Variants in AP3B1 observed in about 807,000 individuals in gnomAD.
AP3B1 encodes the protein AP-3 complex subunit beta-1.
In AP3B1, 61 loss-of-function variants were observed where a neutral mutation model predicts 132.5. The ratio of observed to expected loss-of-function variants is 0.46; its 90% CI spans 0.37 to 0.57. The LOEUF is 0.57. AP3B1 is among the 20% of genes least tolerant of loss of function. The pLI is 0.00. For missense variants in AP3B1, 1,120 were observed against 1,289.4 expected (o/e 0.87, Z 2.01); for synonymous variants, 388 against 438.3 (o/e 0.89, Z 1.43).
intron 1 of AP3B1, among the ~76,000 whole-genome samples, chr5:78,278,239 T>C (rs964242673): frequency 6.6e-6 from 1 of 152,186 alleles, no homozygotes; most frequent in African/African-American, 2.4e-5. Flanking sequence ...CCTGTAAAAC[T>C]TTTTTCCTAC....
intron 22 of AP3B1, among the ~76,000 whole-genome samples, chr5:78,082,342 G>A (rs576828355): frequency 1.3e-5 from 2 of 151,942 alleles, no homozygotes; most frequent in South Asian, 4.2e-4. Flanking sequence ...CTTGTTCCAC[G>A]GCCATTGGAC....
chr5:78,053,795 GTCTC>G (rs112177129), intron 22 of AP3B1, among the ~76,000 whole-genome samples: 74 of 152,044 alleles, frequency 4.9e-4, no homozygotes, highest in Middle Eastern at 3.4e-3. Flanking sequence ...ACTATACGAG[GTCTC>G]TCTAATTTGC....
chr5:78,032,617 T>C (rs531216518), intron 24 of AP3B1, among the ~76,000 whole-genome samples: 7 of 152,138 alleles, frequency 4.6e-5, no homozygotes, highest in African/African-American at 1.4e-4. Context: ...ATCAAGAAAG[T>C]GAGTAATTGT....
chr5:78,249,719 G>A (rs1415484180), intron 2 of AP3B1, among the ~76,000 whole-genome samples: 1 of 151,618 alleles, frequency 6.6e-6, no homozygotes, highest in Non-Finnish European at 1.5e-5. Flanking sequence ...GTGTAGCTGG[G>A]ACCACAGGCA....
chr5:78,031,416 A>G (rs1747570579), intron 24 of AP3B1, among the ~76,000 whole-genome samples: 1 of 152,194 alleles, frequency 6.6e-6, no homozygotes, highest in Admixed American at 6.5e-5. Context: ...ATAAAACTAT[A>G]TTTCATCTCA....
intron 22 of AP3B1, among the ~76,000 whole-genome samples, chr5:78,085,600 T>A (rs1368255767): frequency 6.6e-6 from 1 of 152,182 alleles, no homozygotes; most frequent in African/African-American, 2.4e-5. Flanking sequence ...CATAAATTAA[T>A]TTTTCCAGTT....
intron 2 of AP3B1, among the ~76,000 whole-genome samples, chr5:78,249,875 G>A (rs1355348602): frequency 1.3e-5 from 2 of 151,920 alleles, no homozygotes; most frequent in South Asian, 4.2e-4. Context: ...CACCGTGTCC[G>A]GCCACAAACT....
chr5:78,092,810 G>A (rs572784598), intron 21 of AP3B1, among the ~76,000 whole-genome samples: 8 of 151,958 alleles, frequency 5.3e-5, no homozygotes, highest in East Asian at 1.9e-4. Flanking sequence ...ACCATGCCCC[G>A]CTAATTTTTC....
chr5:78,084,328 T>A (rs1212238158), intron 22 of AP3B1, among the ~76,000 whole-genome samples: 1 of 150,812 alleles, frequency 6.6e-6, no homozygotes, highest in Non-Finnish European at 1.5e-5. Flanking sequence ...CAACAAAAAT[T>A]AAAAAATTAG....
At chr5:78,037,656 A>T (rs1446577194) in intron 23 of AP3B1, among the ~76,000 whole-genome samples, 1 of 152,238 alleles carries the variant, frequency 6.6e-6, no homozygotes, top group African/African-American at 2.4e-5. Flanking sequence ...AGATAAAGAA[A>T]AATGGAAGAG....
rs1561210653 is a variant in AP3B1, at chr5:78,267,607, GAGA to G, written c.129-15_129-13del. On this transcript the variant is annotated splice_polypyrimidine_tract_variant and intron_variant, in intron 1 of 26. Coordinates refer to ENST00000255194, the MANE Select transcript of AP3B1 (RefSeq NM_003664.5). ...TTAGATCTTCATTCCTATTACAAAAGAGAAGAAAAAAAATCCATACTTTGATTT... is the reference window on the plus strand; with the variant it reads ...TTAGATCTTCATTCCTATTACAAAAGAGAAAAAAAATCCATACTTTGATTT... The G allele has an allele frequency of 2.6e-6, 4 of 1,542,456 alleles. No homozygotes were observed. The South Asian group carries it at 4.5e-5, about 17-fold the overall frequency.
chr5:78,222,921 C>G (rs1181218969), intron 6 of AP3B1, among the ~76,000 whole-genome samples: 3 of 152,006 alleles, frequency 2.0e-5, no homozygotes, highest in Non-Finnish European at 2.9e-5. Flanking sequence ...ACAGTGCTAG[C>G]AATTCTGAAG....
At chr5:78,004,575 G>T (rs1746316147) in intron 26 of AP3B1, among the ~76,000 whole-genome samples, 1 of 152,082 alleles carries the variant, frequency 6.6e-6, no homozygotes, top group Non-Finnish European at 1.5e-5. Context: ...CATGAACTAG[G>T]TTGTCCAACA....
At chr5:78,224,141 T>A (rs556570905) in intron 6 of AP3B1, among the ~76,000 whole-genome samples, 1 of 152,176 alleles carries the variant, frequency 6.6e-6, no homozygotes, top group Non-Finnish European at 1.5e-5. Context: ...GCAGATAGCA[T>A]GCCTGTCATA....
At chr5:78,293,469 A>C (rs1749621010) in intron 1 of AP3B1, among the ~76,000 whole-genome samples, 1 of 152,236 alleles carries the variant, frequency 6.6e-6, no homozygotes, top group African/African-American at 2.4e-5. Context: ...TACAGCCAAA[A>C]TGTAATCCCA....
chr5:78,188,533 T>C lies in AP3B1; in HGVS notation c.787-6871A>G, dbSNP rs190950526. Among the ~76,000 whole-genome samples the C allele has an allele frequency of 3.9e-5, 6 of 152,262 alleles. No homozygotes were observed. In the East Asian group the frequency reaches 1.2e-3, roughly 29 times the overall value. ...TGCAAATCAAAACCACAATTAGATA[T>C]CATTTCATACCACTCAGAATGGCAA... On this transcript the variant is annotated intron_variant, in intron 7 of 26. Coordinates refer to ENST00000255194, the MANE Select transcript of AP3B1 (RefSeq NM_003664.5).
intron 26 of AP3B1, among the ~76,000 whole-genome samples, chr5:78,014,207 TAA>T (rs11427263): frequency 2.9e-5 from 4 of 139,782 alleles, no homozygotes; most frequent in Non-Finnish European, 1.6e-5. Context: ...TTGAGCAACT[TAA>T]AAAAAAAAAA....
intron 11 of AP3B1, among the ~76,000 whole-genome samples, chr5:78,170,984 A>C (rs1198267445): frequency 6.6e-6 from 1 of 152,192 alleles, no homozygotes; most frequent in Non-Finnish European, 1.5e-5. Context: ...CATTTATTAA[A>C]TAGGGAATCC....
At chr5:78,096,089 T>TCGG (rs1435201808) in intron 21 of AP3B1, among the ~76,000 whole-genome samples, 1 of 152,186 alleles carries the variant, frequency 6.6e-6, no homozygotes, top group African/African-American at 2.4e-5. Context: ...TGCTGCCATC[T>TCGG]CGGCTCACTG....
Sources: allele counts gnomAD v4.1 joint callset (sites outside exome capture counted in the v4.1 genomes callset), GRCh38; gene constraint gnomAD v4.1.1; transcripts MANE v1.5; gene names NCBI Gene and HGNC (gene_info 2026-07-23, HGNC 2026-07-21).